Variants in RGS6 observed in about 807,000 individuals in gnomAD.
The protein encoded by RGS6 is regulator of G-protein signaling 6.
In RGS6, 30 loss-of-function variants were observed where a neutral mutation model predicts 78.5. The observed-to-expected ratio is 0.38, with a 90% CI of 0.29 to 0.52. The LOEUF is 0.52. RGS6 is among the 20% of genes least tolerant of loss of function. RGS6 has a pLI of 0.85. For synonymous variants in RGS6, 206 were observed against 206.0 expected (o/e 1.00, Z 0.00); for missense variants, 495 against 609.7 (o/e 0.81, Z 1.98).
At chr14:71,975,395 G>A (rs2094057546) in intron 2 of RGS6, among the ~76,000 whole-genome samples, 1 of 151,556 alleles carries the variant, frequency 6.6e-6, no homozygotes, top group African/African-American at 2.4e-5. Flanking sequence ...ATTATAAGGT[G>A]TGATTTTCTT....
intron 2 of RGS6, among the ~76,000 whole-genome samples, chr14:72,198,390 G>T (rs968595785): frequency 3.3e-5 from 5 of 152,194 alleles, no homozygotes; most frequent in African/African-American, 1.2e-4. Flanking sequence ...TCTTGCATAA[G>T]GCCCAGGCCA....
chr14:71,969,781 T>G (rs2093700606), intron 2 of RGS6, among the ~76,000 whole-genome samples: 1 of 152,192 alleles, frequency 6.6e-6, no homozygotes, highest in South Asian at 2.1e-4. Flanking sequence ...TCCCCTTCTG[T>G]AAAGGGAGGA....
intron 2 of RGS6, among the ~76,000 whole-genome samples, chr14:72,288,744 A>T (rs537337541): frequency 1.3e-5 from 2 of 152,320 alleles, no homozygotes; most frequent in Non-Finnish European, 2.9e-5. Flanking sequence ...CAGAGGTCTA[A>T]GAAGCATGAG....
At chr14:72,421,911 A>G (rs536995336) in intron 3 of RGS6, among the ~76,000 whole-genome samples, 1 of 152,194 alleles carries the variant, frequency 6.6e-6, no homozygotes, top group Non-Finnish European at 1.5e-5. Context: ...CTGACCTCAC[A>G]GAATCATTCC....
At chr14:72,611,526 C>T in the RGS6 span, among the ~76,000 whole-genome samples, 1 of 152,150 alleles carries the variant, frequency 6.6e-6, no homozygotes, top group Non-Finnish European at 1.5e-5. Flanking sequence ...CCCCCCAGTC[C>T]CGCTCTCTGC....
intron 6 of RGS6, among the ~76,000 whole-genome samples, chr14:72,464,110 A>G (rs889731094): frequency 3.9e-5 from 6 of 152,210 alleles, no homozygotes; most frequent in Admixed American, 2.6e-4. Flanking sequence ...TGCATCAAGA[A>G]TGTAAAGACA....
At chr14:72,568,647 C>T (rs1320140543), downstream of RGS6, among the ~76,000 whole-genome samples, 1 of 152,222 alleles carries the variant, frequency 6.6e-6, no homozygotes, top group Non-Finnish European at 1.5e-5. Context: ...AGGCGCCCTC[C>T]CCAGACCCCA....
intron 3 of RGS6, among the ~76,000 whole-genome samples, chr14:72,452,995 G>A (rs1307384779): frequency 1.3e-5 from 2 of 152,218 alleles, no homozygotes; most frequent in Admixed American, 6.5e-5. Context: ...GCAGCTGAGG[G>A]ACCCAGGCCT....
chr14:72,568,687 G>A (rs1323423688), downstream of RGS6, among the ~76,000 whole-genome samples: 3 of 152,170 alleles, frequency 2.0e-5, no homozygotes, highest in African/African-American at 7.2e-5. Context: ...GCAGATTCCC[G>A]CTGCCCATCT....
chr14:72,060,367 C>T (rs1209205299), intron 2 of RGS6, among the ~76,000 whole-genome samples: 1 of 119,258 alleles, frequency 8.4e-6, no homozygotes, highest in Non-Finnish European at 1.7e-5. Flanking sequence ...GCCACCCCTC[C>T]CACCTTTTTT....
rs149308259 is a variant in RGS6 at position 72,181,693 on chromosome 14, A to G, written c.85-170402A>G. Among the ~76,000 whole-genome samples the G allele has an allele frequency of 2.0e-5, 3 of 152,336 alleles. No individual in the cohort carries two copies. The East Asian group carries it at 5.8e-4, about 29-fold the overall frequency. ...TCTAAAAAGCCTATACCTTGATGAT[A>G]TGGTAAAATAATCAGGTTCTCTATA... On this transcript the variant is annotated intron_variant, in intron 2 of 17. Transcript: ENST00000553525.
At chr14:71,962,951 A>T (rs2093304689) in intron 1 of RGS6, among the ~76,000 whole-genome samples, 1 of 152,136 alleles carries the variant, frequency 6.6e-6, no homozygotes, top group Non-Finnish European at 1.5e-5. Flanking sequence ...AGTTTCTTTG[A>T]TGAAAAGCCT....
chr14:71,932,221 G>C (rs1249523443), upstream of RGS6, among the ~76,000 whole-genome samples: 1 of 152,080 alleles, frequency 6.6e-6, no homozygotes, highest in Non-Finnish European at 1.5e-5. Context: ...GCCTTCCGCG[G>C]CTCTGGGAAC....
At chr14:72,008,577 T>C (rs897894673) in intron 2 of RGS6, among the ~76,000 whole-genome samples, 2 of 152,168 alleles carry the variant, frequency 1.3e-5, no homozygotes, top group African/African-American at 2.4e-5. Flanking sequence ...TATGTCGCTC[T>C]CAATATTAGT....
the RGS6 span, among the ~76,000 whole-genome samples, chr14:71,881,505 A>G: frequency 6.6e-6 from 1 of 152,162 alleles, no homozygotes; most frequent in South Asian, 2.1e-4. Context: ...AGTTTCCCCC[A>G]TACTGTTCTC....
At chr14:72,571,890 G>A in the RGS6 span, among the ~76,000 whole-genome samples, 1 of 152,204 alleles carries the variant, frequency 6.6e-6, no homozygotes, top group African/African-American at 2.4e-5. Context: ...CCCAGATTGG[G>A]AGAAAATATC....
At chr14:72,173,244 C>A (rs2097052262) in intron 2 of RGS6, among the ~76,000 whole-genome samples, 2 of 151,948 alleles carry the variant, frequency 1.3e-5, no homozygotes, top group African/African-American at 2.4e-5. Flanking sequence ...CTGCTAACAT[C>A]CTGCAGTGTA....
intron 2 of RGS6, among the ~76,000 whole-genome samples, chr14:71,966,979 C>T (rs1312320630): frequency 6.6e-6 from 1 of 151,760 alleles, no homozygotes; most frequent in Non-Finnish European, 1.5e-5. Context: ...AACCCAACCA[C>T]CTTTCTACTA....
At chr14:72,527,837 A>T (rs1238030168) in intron 15 of RGS6, among the ~76,000 whole-genome samples, 1 of 152,134 alleles carries the variant, frequency 6.6e-6, no homozygotes, top group Non-Finnish European at 1.5e-5. Context: ...ATGGGACCCA[A>T]AAGCTCCCAA....
Sources: gnomAD v4.1 joint callset for allele counts (sites outside exome capture counted in the v4.1 genomes callset) on GRCh38, gnomAD v4.1.1 for gene constraint, MANE v1.5 for transcripts, NCBI Gene and HGNC (gene_info 2026-07-23, HGNC 2026-07-21) for gene names.